Variants in RET observed in about 807,000 individuals in gnomAD.
RET encodes the protein proto-oncogene tyrosine-protein kinase receptor Ret.
Under a neutral mutation model 118.3 loss-of-function variants are expected in RET, and 19 were observed. The observed-to-expected ratio is 0.16, with a 90% CI of 0.11 to 0.24. RET has a LOEUF of 0.24. Among genes scored for constraint, RET ranks in the 10% least tolerant of loss-of-function variants. The pLI, the probability that RET is intolerant of heterozygous loss-of-function variation, is 1.00. For missense variants in RET, 1,219 were observed against 1,502.1 expected (o/e 0.81, Z 3.12); for synonymous variants, 597 against 644.1 (o/e 0.93, Z 1.11).
At chr10:43,105,653 C>T (rs901927795) in intron 4 of RET, among the ~76,000 whole-genome samples, 3 of 152,208 alleles carry the variant, frequency 2.0e-5, no homozygotes, top group Non-Finnish European at 4.4e-5. Context: ...AGCGCGACCG[C>T]CACCTGCTGG....
intron 1 of RET, among the ~76,000 whole-genome samples, chr10:43,084,414 C>G (rs955254554): frequency 6.6e-6 from 1 of 152,248 alleles, no homozygotes; most frequent in Non-Finnish European, 1.5e-5. Flanking sequence ...GCAGCCAGTG[C>G]ACAGTGCTAG....
rs908613868 is a variant in RET at position 43,113,824 on chromosome 10, C to T, written c.1879+149C>T. On this transcript the variant is annotated intron_variant, in intron 10 of 19. Transcript: ENST00000355710. ...CCCTCCCTCTGGGCCTCTGTTACTCCACCCAGGAGAGGGGCCAGGGCCCCT... is the reference window on the plus strand; with the variant it reads ...CCCTCCCTCTGGGCCTCTGTTACTCTACCCAGGAGAGGGGCCAGGGCCCCT... 4 of 1,201,262 alleles carry T rather than the reference C, an allele frequency of 3.3e-6. No homozygotes were observed. In the South Asian group the frequency reaches 4.5e-5, roughly 13 times the overall value. 74.4% of individuals were successfully genotyped at this position (1,201,262 alleles called of 1,614,324 possible).
At chr10:43,088,254 G>A (rs1341107390) in intron 1 of RET, among the ~76,000 whole-genome samples, 5 of 151,928 alleles carry the variant, frequency 3.3e-5, no homozygotes, top group African/African-American at 1.2e-4. Flanking sequence ...TGGTGGTGGT[G>A]GAGGCCATGG....
At chr10:43,092,768 C>G (rs72781225) in intron 1 of RET, among the ~76,000 whole-genome samples, 4,959 of 152,310 alleles carry the variant, frequency 0.033, 103 homozygotes, top group South Asian at 0.077. Flanking sequence ...TGTCCTCAGC[C>G]TCAGGCTTGT....
In RET at chr10:43,130,267, G is replaced by A. The variant is rs1236953903; in HGVS notation, c.*1998G>A. The stretch of plus-strand genomic sequence containing the variant: ...AATTTGTAAAATCTATTTATGAAAG[G>A]TCATTAAACCAGATCATGTTCCTTT... On this transcript the variant is annotated 3_prime_UTR_variant, in exon 20 of 20. Transcript: ENST00000355710. The A allele has an allele frequency of 2.7e-6, 1 of 371,174 alleles. No individual in the cohort carries two copies. Among genetic ancestry groups the A allele is most frequent in the Non-Finnish European group, 4.8e-6 (1 of 209,780 alleles). The allele number at this position is 371,174 out of a possible 1,614,324, so 23.0% of individuals were successfully genotyped here.
In RET at chr10:43,113,805, C is replaced by G. The variant is rs1838000494; in HGVS notation, c.1879+130C>G. 3 of 1,321,996 alleles carry G rather than the reference C, an allele frequency of 2.3e-6. No individual in the cohort carries two copies. The East Asian group carries it at 7.5e-5, about 33-fold the overall frequency. The allele number at this position is 1,321,996 out of a possible 1,614,324, so 81.9% of individuals were successfully genotyped here. On this transcript the variant is annotated intron_variant, in intron 10 of 19. Transcript: ENST00000355710. ...GGCCCCATGAAACTTCCCTCCCTCC[C>G]TCTGGGCCTCTGTTACTCCACCCAG...
rs550290080 is a variant in RET at position 43,093,765 on chromosome 10, AAGACGGG to A, written c.74-6691_74-6685del. On this transcript the variant is annotated intron_variant, in intron 1 of 19. Coordinates refer to ENST00000355710, the MANE Select transcript of RET (RefSeq NM_020975.6). ...CCCTCAGCAGCAGCAGTGAGGCTGA[AAGACGGG>A]AGCCAGACCTTATGTAGAGTGGAGG... Among the ~76,000 whole-genome samples the A allele has an allele frequency of 5.3e-3, 802 of 152,290 alleles. 9 individuals carry two copies. The highest frequency in any genetic ancestry group is 0.019 in the African/African-American group (778 of 41,568).
intron 7 of RET, 60 bp from the exon 8 acceptor site, chr10:43,112,039 A>G (rs1332837251): frequency 1.9e-6 from 3 of 1,556,284 alleles, no homozygotes; most frequent in African/African-American, 2.7e-5. Flanking sequence ...GTCCTTGGGC[A>G]CTAGCTGGAC....
At chr10:43,126,466 G>T (rs1025926691) in intron 18 of RET, 109 bp from the exon 19 acceptor site, 1 of 983,422 alleles carries the variant, frequency 1.0e-6, no homozygotes, top group African/African-American at 1.6e-5. Context: ...AGATTGGTGC[G>T]AGGTGGAGAC....
chr10:43,126,803 A>G lies in RET; in HGVS notation c.3187+81A>G. ...CCTTCCTCTCTGTGATGCTTTTTAA[A>G]AATGTTTCTGGTCTGAACAAAACCA... On this transcript the variant is annotated intron_variant, in intron 19 of 19. Coordinates refer to ENST00000355710, the MANE Select transcript of RET (RefSeq NM_020975.6). 5 of 1,563,166 alleles carry G rather than the reference A, an allele frequency of 3.2e-6. No homozygotes were observed. In the South Asian group the frequency reaches 4.6e-5, roughly 14 times the overall value.
chr10:43,116,588 A>C lies in RET; in HGVS notation c.2141A>C (p.Asp714Ala), dbSNP rs2132902595. 6.2e-7 allele frequency: 1 copy of C among 1,610,698 alleles called. No individual in the cohort carries two copies. Among genetic ancestry groups the C allele is most frequent in the Non-Finnish European group, 8.5e-7 (1 of 1,178,266 alleles). ...VSVDAFKILE[D>A]PKWEFPRKNL... ...CTTCCCTCATTTCCAACATAGGAGGATCCAAAGTGGGAATTCCCTCGGAAG... is the reference window on the plus strand; with the variant it reads ...CTTCCCTCATTTCCAACATAGGAGGCTCCAAAGTGGGAATTCCCTCGGAAG... The change falls in exon 12 of 20, where the codon GAT (aspartate) becomes GCT (alanine). Residue 714 changes from aspartate (D) to alanine (A), a missense_variant. Physicochemically the swap from Asp to Ala is moderately radical, Grantham distance 126 (BLOSUM62 -2). This residue lies in a region of RET where 850 missense variants were observed against 969.6 expected (regional missense o/e 0.88). Transcript: ENST00000355710.
In RET at chr10:43,109,194, C is replaced by G; in HGVS notation, c.1227C>G (p.Ser409=). ...PVSLHLPSTY[S]LSVSRRARRF... ...GCCTGCACCTGCCCAGTACCTACTC[C>G]CTCTCCGTGAGCAGGAGGGCTCGCC... The change falls in exon 6 of 20, where the codon TCC becomes TCG. Residue 409 remains serine, a synonymous_variant. Coordinates refer to ENST00000355710, the MANE Select transcript of RET (RefSeq NM_020975.6). 6.2e-7 allele frequency: 1 copy of G among 1,613,772 alleles called. No individual in the cohort carries two copies.
chr10:43,111,502 TG>T lies in RET; in HGVS notation c.1522+42del, dbSNP rs751749625. On this transcript the variant is annotated intron_variant, in intron 7 of 19. Coordinates refer to ENST00000355710, the MANE Select transcript of RET (RefSeq NM_020975.6). Reference sequence around the variant, plus strand: ...CTCCAGGGAGGGAGGGTCGGGGTCCTGGGGGCTTCTGGAGCCTGGGCCTCCT... The same window carrying T: ...CTCCAGGGAGGGAGGGTCGGGGTCCTGGGGCTTCTGGAGCCTGGGCCTCCT... 17 of 1,592,606 alleles carry T rather than the reference TG, an allele frequency of 1.1e-5. No homozygotes were observed. The East Asian group carries it at 1.6e-4, about 15-fold the overall frequency.
rs1205831379 is a variant in RET at position 43,113,765 on chromosome 10, G to T, written c.1879+90G>T. On this transcript the variant is annotated intron_variant, in intron 10 of 19. Coordinates refer to ENST00000355710, the MANE Select transcript of RET (RefSeq NM_020975.6). The stretch of plus-strand genomic sequence containing the variant: ...TGAGGTCCCAACAAGGGAGGAAATT[G>T]CTGGGAGGCGAGTGGGCCCCATGAA... The T allele has an allele frequency of 2.6e-6, 4 of 1,556,164 alleles. No individual in the cohort carries two copies. The East Asian group carries it at 6.9e-5, about 27-fold the overall frequency.
intron 8 of RET, 93 bp from the exon 9 acceptor site, chr10:43,112,760 T>C: frequency 1.0e-6 from 1 of 972,752 alleles, no homozygotes; most frequent in Non-Finnish European, 1.6e-6. Context: ...CTCCAGTTGC[T>C]CCTCCCTAGA....
intron 1 of RET, among the ~76,000 whole-genome samples, chr10:43,099,676 T>C (rs1200405187): frequency 1.3e-5 from 2 of 152,208 alleles, no homozygotes; most frequent in African/African-American, 4.8e-5. Flanking sequence ...GAAAGTGCCC[T>C]GTGGCCCTTC....
At chr10:43,117,757 A>G (rs781692507) in intron 12 of RET, among the ~76,000 whole-genome samples, 7 of 152,238 alleles carry the variant, frequency 4.6e-5, no homozygotes, top group Non-Finnish European at 7.3e-5. Flanking sequence ...CTATTCATTA[A>G]GAATAAGCCA....
intron 1 of RET, among the ~76,000 whole-genome samples, chr10:43,090,892 G>C (rs1260189219): frequency 1.3e-5 from 2 of 150,546 alleles, no homozygotes; most frequent in African/African-American, 4.9e-5. Context: ...TCCCTAGCCA[G>C]TCAGGGCGCT....
chr10:43,107,753 T>C (rs1425511022), intron 5 of RET, among the ~76,000 whole-genome samples: 1 of 152,114 alleles, frequency 6.6e-6, no homozygotes, highest in Non-Finnish European at 1.5e-5. Flanking sequence ...CAGTTTGCTT[T>C]TATACATTTT....
Sources: gnomAD v4.1 joint callset for allele counts (sites outside exome capture counted in the v4.1 genomes callset) on GRCh38, gnomAD v4.1.1 for gene constraint, gnomAD v4.1.1 regional missense constraint, MANE v1.5 for transcripts, NCBI Gene and HGNC (gene_info 2026-07-23, HGNC 2026-07-21) for gene names.